INPP4A: variants seen among roughly 807,000 people sequenced by gnomAD.
The protein encoded by INPP4A is inositol polyphosphate-4-phosphatase, type I, 107kD.
In INPP4A, 33 loss-of-function variants were observed where a neutral mutation model predicts 119.8. The observed-to-expected ratio is 0.28, with a 90% CI of 0.21 to 0.37. INPP4A has a LOEUF of 0.37. INPP4A is among the 10% of genes least tolerant of loss of function. The pLI, the probability that INPP4A is intolerant of heterozygous loss-of-function variation, is 1.00. For synonymous variants in INPP4A, 496 were observed against 500.7 expected (o/e 0.99, Z 0.12); for missense variants, 956 against 1,289.9 (o/e 0.74, Z 3.97).
chr2:98,515,524 C>T (rs932756492), intron 1 of INPP4A, among the ~76,000 whole-genome samples: 4 of 152,130 alleles, frequency 2.6e-5, no homozygotes, highest in Non-Finnish European at 4.4e-5. Context: ...GGGTTGATAA[C>T]GATAGTTCAT....
intron 1 of INPP4A, among the ~76,000 whole-genome samples, chr2:98,492,692 GA>G (rs1467491636): frequency 6.6e-6 from 1 of 152,230 alleles, no homozygotes; most frequent in Non-Finnish European, 1.5e-5. Flanking sequence ...GCTGGCTCTA[GA>G]AAGGGTGCCC....
intron 1 of INPP4A, among the ~76,000 whole-genome samples, chr2:98,495,902 C>G (rs977206421): frequency 6.6e-6 from 1 of 152,176 alleles, no homozygotes; most frequent in Admixed American, 6.5e-5. Context: ...AGATTTTTCC[C>G]CACAAGAGAC....
chr2:98,576,919 C>A lies in INPP4A; in HGVS notation c.2632-70C>A, dbSNP rs879088090. The A allele has an allele frequency of 2.7e-5, 42 of 1,539,520 alleles. 1 individual carries two copies. The South Asian group carries it at 4.6e-4, about 17-fold the overall frequency. ...CTTGCTGGGCTGGTTGGGAGCCTTT[C>A]CTGTGTGTGAAGGGTGCTGCCTTTC... On this transcript the variant is annotated intron_variant, in intron 23 of 24. Transcript: ENST00000409851.
chr2:98,488,325 G>A (rs1005902083), intron 1 of INPP4A, among the ~76,000 whole-genome samples: 2 of 152,162 alleles, frequency 1.3e-5, no homozygotes, highest in Non-Finnish European at 2.9e-5. Flanking sequence ...TAAAGTTATT[G>A]TAATCTCAAT....
In INPP4A at chr2:98,564,553, G is replaced by T. The variant is rs959261070; in HGVS notation, c.2029-87G>T. 1.9e-5 allele frequency: 29 copies of T among 1,508,372 alleles called. No individual in the cohort carries two copies. The Admixed American group carries it at 5.0e-4, about 26-fold the overall frequency. 93.4% of individuals were successfully genotyped at this position (1,508,372 alleles called of 1,614,324 possible). On this transcript the variant is annotated intron_variant, in intron 18 of 24. Transcript: ENST00000409851. Reference sequence around the variant, plus strand: ...CCTTTGAGCAGTGGCAGCAGAGGAAGGGGGCGGTGGGGGGCTGGGCATGAT... The same window carrying T: ...CCTTTGAGCAGTGGCAGCAGAGGAATGGGGCGGTGGGGGGCTGGGCATGAT...
intron 21 of INPP4A, 145 bp from the exon 22 acceptor site, chr2:98,568,426 G>T: frequency 3.3e-6 from 2 of 613,034 alleles, no homozygotes; most frequent in South Asian, 2.0e-5. Context: ...ATGCCTTTAT[G>T]CTCGGAAGAG....
chr2:98,586,946 A>G (rs146469554), intron 24 of INPP4A, among the ~76,000 whole-genome samples: 1 of 152,216 alleles, frequency 6.6e-6, no homozygotes, highest in Admixed American at 6.5e-5. Context: ...CCTCCAGGAG[A>G]CAGCAGACCA....
chr2:98,524,863 C>T (rs555975572), intron 4 of INPP4A, among the ~76,000 whole-genome samples: 1 of 152,206 alleles, frequency 6.6e-6, no homozygotes, highest in East Asian at 1.9e-4. Flanking sequence ...AAGATTTGGA[C>T]AGAGCACAAA....
chr2:98,539,506 C>T, intron 9 of INPP4A, 22 bp from the exon 10 acceptor site: 4 of 1,594,704 alleles, frequency 2.5e-6, no homozygotes, highest in Non-Finnish European at 3.4e-6. Flanking sequence ...TGCAGCCTGT[C>T]TCCCTTGTCA....
chr2:98,558,238 C>A (rs1422233466), intron 16 of INPP4A, among the ~76,000 whole-genome samples: 1 of 152,146 alleles, frequency 6.6e-6, no homozygotes, highest in Admixed American at 6.5e-5. Flanking sequence ...TTGGGATCAC[C>A]ACAGAAGCTC....
At chr2:98,489,360 C>G (rs1025519678) in intron 1 of INPP4A, among the ~76,000 whole-genome samples, 1 of 152,028 alleles carries the variant, frequency 6.6e-6, no homozygotes, top group African/African-American at 2.4e-5. Flanking sequence ...GGCATCATCT[C>G]CTGGATGGCC....
intron 1 of INPP4A, among the ~76,000 whole-genome samples, chr2:98,496,605 T>G (rs1180709924): frequency 6.6e-6 from 1 of 152,084 alleles, no homozygotes; most frequent in Non-Finnish European, 1.5e-5. Flanking sequence ...GAAGAAAATA[T>G]TTGCAAACTA....
intron 1 of INPP4A, among the ~76,000 whole-genome samples, chr2:98,477,589 C>T (rs904360027): frequency 4.6e-5 from 7 of 152,222 alleles, no homozygotes; most frequent in African/African-American, 1.7e-4. Flanking sequence ...TGCCCTGTAT[C>T]TCCAGGAACT....
chr2:98,578,494 G>A (rs988029151), intron 24 of INPP4A, among the ~76,000 whole-genome samples: 12 of 152,174 alleles, frequency 7.9e-5, no homozygotes, highest in Admixed American at 1.3e-4. Context: ...TCGGGCTCTC[G>A]AACAAGTTCA....
intron 4 of INPP4A, among the ~76,000 whole-genome samples, chr2:98,525,296 C>G (rs1456774349): frequency 1.3e-5 from 2 of 152,166 alleles, no homozygotes; most frequent in African/African-American, 4.8e-5. Context: ...TCTCCTGCCT[C>G]TTCTTCCATT....
intron 11 of INPP4A, 55 bp from the exon 12 acceptor site, chr2:98,545,914 C>A (rs181888116): frequency 1.6e-6 from 2 of 1,269,700 alleles, no homozygotes; most frequent in South Asian, 1.4e-5. Flanking sequence ...ACTTGCAACT[C>A]GTGAATGCAG....
At chr2:98,454,644 G>A (rs1695791151) in intron 1 of INPP4A, among the ~76,000 whole-genome samples, 2 of 151,950 alleles carry the variant, frequency 1.3e-5, no homozygotes, top group African/African-American at 2.4e-5. Flanking sequence ...TCAAAGGGCT[G>A]GAGTACACCC....
Position 98,555,755 on chromosome 2 carries a change from C to T in INPP4A, c.1769C>T (p.Ser590Leu). 2 of 1,589,618 alleles carry T rather than the reference C, an allele frequency of 1.3e-6. No individual in the cohort carries two copies. Among genetic ancestry groups the T allele is most frequent in the Non-Finnish European group, 1.7e-6 (2 of 1,167,470 alleles). ...GACCCCTTCTGTGATGTCCCCTCCT[C>T]ACCATGCCCCTCCACCATGCCCTCC... ...PEDPFCDVPS[S>L]PCPSTMPSTA... Residue 590 changes from serine (S) to leucine (L), a missense_variant, in exon 16 of 25, where the codon TCA becomes TTA. Physicochemically the swap from Ser to Leu is moderately radical, Grantham distance 145 (BLOSUM62 -2). Transcript: ENST00000409851.
chr2:98,447,853 C>T (rs1253739487), intron 1 of INPP4A, among the ~76,000 whole-genome samples: 1 of 152,034 alleles, frequency 6.6e-6, no homozygotes, highest in African/African-American at 2.4e-5. Flanking sequence ...CGAGACCATC[C>T]TGGCTAACAC....
Sources: allele counts gnomAD v4.1 joint callset (sites outside exome capture counted in the v4.1 genomes callset), GRCh38; gene constraint gnomAD v4.1.1; transcripts MANE v1.5; gene names NCBI Gene and HGNC (gene_info 2026-07-23, HGNC 2026-07-21).